Variants in IQCJ observed in about 807,000 individuals in gnomAD.
IQCJ encodes the protein IQ domain-containing protein J.
IQCJ carries 9 observed loss-of-function variants against 11.0 expected under a neutral mutation model. The ratio of observed to expected loss-of-function variants is 0.82; its 90% confidence interval spans 0.49 to 1.43. The LOEUF is 1.43. Ranked by LOEUF, IQCJ falls within the 40% of genes most tolerant of loss-of-function variation. IQCJ has a pLI of 0.00. For missense variants in IQCJ, 146 were observed against 133.2 expected (o/e 1.10, Z -0.47); for synonymous variants, 55 against 51.3 (o/e 1.07, Z -0.31).
intron 1 of IQCJ, among the ~76,000 whole-genome samples, chr3:159,190,727 T>C (rs746228351): frequency 1.3e-5 from 2 of 152,244 alleles, no homozygotes; most frequent in Non-Finnish European, 2.9e-5. Context: ...CTAGCTTCAC[T>C]GCTACCTTGG....
At chr3:159,118,486 C>T (rs527696829) in intron 1 of IQCJ, among the ~76,000 whole-genome samples, 3 of 152,322 alleles carry the variant, frequency 2.0e-5, no homozygotes, top group Admixed American at 6.5e-5. Context: ...TGTATCGGCT[C>T]ATAAAATCTC....
At chr3:159,134,619 G>A (rs148281384) in intron 1 of IQCJ, among the ~76,000 whole-genome samples, 19 of 152,214 alleles carry the variant, frequency 1.2e-4, no homozygotes, top group Non-Finnish European at 2.2e-4. Context: ...GTCCTCCTGG[G>A]ACTCTCAGCA....
chr3:159,265,343 G>C (rs1264949324), downstream of IQCJ: 2 of 1,613,768 alleles, frequency 1.2e-6, no homozygotes, highest in East Asian at 4.5e-5. Context: ...GACCCACTGG[G>C]TTCATACATA....
intron 1 of IQCJ, among the ~76,000 whole-genome samples, chr3:159,154,410 A>G (rs911707403): frequency 6.6e-6 from 1 of 152,206 alleles, no homozygotes; most frequent in African/African-American, 2.4e-5. Flanking sequence ...TTTAGAATAA[A>G]ATATTTAAAT....
chr3:159,081,783 C>T (rs1056611634), intron 1 of IQCJ, among the ~76,000 whole-genome samples: 1 of 152,058 alleles, frequency 6.6e-6, no homozygotes, highest in Non-Finnish European at 1.5e-5. Context: ...ACCCAATATT[C>T]CCTGTCTATT....
chr3:159,210,672 G>T (rs1414373479), intron 1 of IQCJ, among the ~76,000 whole-genome samples: 1 of 152,088 alleles, frequency 6.6e-6, no homozygotes, highest in Non-Finnish European at 1.5e-5. Flanking sequence ...ATTTGTGATT[G>T]ATCACTTTTT....
chr3:159,172,416 T>C (rs960347943), intron 1 of IQCJ, among the ~76,000 whole-genome samples: 8 of 148,390 alleles, frequency 5.4e-5, no homozygotes, highest in Non-Finnish European at 8.8e-5. Context: ...GCTAAGATGA[T>C]GGAATTTTTT....
At chr3:159,077,268 C>G (rs1398882819) in intron 1 of IQCJ, among the ~76,000 whole-genome samples, 1 of 152,078 alleles carries the variant, frequency 6.6e-6, no homozygotes, top group East Asian at 1.9e-4. Context: ...ATTAGTACAA[C>G]CAGCTTTAGA....
chr3:159,094,368 G>T (rs1363343332), intron 1 of IQCJ, among the ~76,000 whole-genome samples: 1 of 149,606 alleles, frequency 6.7e-6, no homozygotes, highest in Admixed American at 6.6e-5. Context: ...GCACCTCAGT[G>T]GTCTTCAGGA....
chr3:159,196,798 A>C (rs902776838), intron 1 of IQCJ, among the ~76,000 whole-genome samples: 1 of 152,192 alleles, frequency 6.6e-6, no homozygotes, highest in Non-Finnish European at 1.5e-5. Flanking sequence ...AATGTCACAG[A>C]GCTAGGAACT....
intron 1 of IQCJ, among the ~76,000 whole-genome samples, chr3:159,178,546 C>T (rs1722916474): frequency 6.6e-6 from 1 of 152,162 alleles, no homozygotes; most frequent in African/African-American, 2.4e-5. Context: ...GTAGCTTGAG[C>T]TTATACACAT....
chr3:159,187,551 G>A (rs1044989224), intron 1 of IQCJ, among the ~76,000 whole-genome samples: 3 of 152,254 alleles, frequency 2.0e-5, no homozygotes, highest in African/African-American at 7.2e-5. Flanking sequence ...CATGCTCCGC[G>A]CGGTCAGGCG....
At chr3:159,109,068 A>T (rs1718451173) in intron 1 of IQCJ, among the ~76,000 whole-genome samples, 1 of 152,208 alleles carries the variant, frequency 6.6e-6, no homozygotes. Context: ...TACCAATGAC[A>T]AGCCCTGAAC....
At chr3:159,222,666 AAG>A (rs1422541955) in intron 1 of IQCJ, among the ~76,000 whole-genome samples, 11 of 152,166 alleles carry the variant, frequency 7.2e-5, no homozygotes, top group African/African-American at 2.7e-4. Flanking sequence ...AAAATTTGCT[AAG>A]AGAGTAGGTT....
intron 1 of IQCJ, among the ~76,000 whole-genome samples, chr3:159,222,044 A>G (rs1197611020): frequency 6.6e-6 from 1 of 152,174 alleles, no homozygotes; most frequent in Non-Finnish European, 1.5e-5. Context: ...AGAAAAAGTC[A>G]AAGCAAGGGA....
intron 1 of IQCJ, among the ~76,000 whole-genome samples, chr3:159,144,950 T>G (rs1362057207): frequency 2.6e-5 from 4 of 152,196 alleles, no homozygotes; most frequent in Non-Finnish European, 1.5e-5. Context: ...TGGTTAAAAG[T>G]CTCCTCAGAA....
chr3:159,117,090 T>C (rs1410129924), intron 1 of IQCJ, among the ~76,000 whole-genome samples: 1 of 152,234 alleles, frequency 6.6e-6, no homozygotes, highest in African/African-American at 2.4e-5. Flanking sequence ...AAGAGTAATG[T>C]CTACTTGCTG....
At chr3:159,170,494 T>C (rs1331120277) in intron 1 of IQCJ, among the ~76,000 whole-genome samples, 1 of 152,204 alleles carries the variant, frequency 6.6e-6, no homozygotes, top group Non-Finnish European at 1.5e-5. Flanking sequence ...GTTTGCTATT[T>C]TGAAAGGAGA....
chr3:159,128,239 A>C (rs10513535), intron 1 of IQCJ, among the ~76,000 whole-genome samples: 43,362 of 152,114 alleles, frequency 0.29, 7,215 homozygotes, highest in Non-Finnish European at 0.39. Context: ...TCATAAGAGA[A>C]ATTTGGGAGG....
Sources: allele counts gnomAD v4.1 joint callset (sites outside exome capture counted in the v4.1 genomes callset), GRCh38; gene constraint gnomAD v4.1.1; transcripts MANE v1.5; gene names NCBI Gene and HGNC (gene_info 2026-07-23, HGNC 2026-07-21).